The following BIN3 variants were observed in gnomAD, a reference collection of about 807,000 sequenced individuals.
BIN3 encodes bridging integrator 3.
A neutral mutation model predicts 38.2 loss-of-function variants in BIN3; 41 were observed. The observed-to-expected ratio is 1.07, with a 90% CI of 0.84 to 1.39. The LOEUF (loss-of-function observed/expected upper bound fraction) is 1.39. Among genes scored for constraint, BIN3 ranks in the 40% most tolerant of loss-of-function variants. The pLI is 0.00. For synonymous variants in BIN3, 145 were observed against 122.6 expected, an observed-to-expected ratio of 1.18 and a Z score of -1.21; for missense variants, 361 against 324.3, an observed-to-expected ratio of 1.11 and a Z score of -0.87.
intron 6 of BIN3, chr8:22,629,675 G>C: frequency 1.9e-6 from 1 of 532,358 alleles, no homozygotes; most frequent in Non-Finnish European, 3.4e-6. Flanking sequence ...CTCTCAATCA[G>C]GAGGAAGCGG....
chr8:22,627,054 C>A (rs546416374), intron 6 of BIN3, among the ~76,000 whole-genome samples: 3 of 152,176 alleles, frequency 2.0e-5, no homozygotes, highest in Admixed American at 2.0e-4. Context: ...CTCTGCAGGC[C>A]GCCTGCCCCA....
At chr8:22,631,521 A>C (rs1322063280) in intron 4 of BIN3, among the ~76,000 whole-genome samples, 3 of 152,188 alleles carry the variant, frequency 2.0e-5, no homozygotes, top group Non-Finnish European at 4.4e-5. Flanking sequence ...TTTAGCGAGG[A>C]GGCAGATTAG....
At chr8:22,633,545 G>A (rs549683544) in intron 4 of BIN3, among the ~76,000 whole-genome samples, 191 of 152,358 alleles carry the variant, frequency 1.3e-3, no homozygotes, top group Middle Eastern at 0.01. Context: ...AGAGCACTCT[G>A]AAAGTAGTAT....
At chr8:22,653,864 C>T (rs1802974000) in intron 1 of BIN3, among the ~76,000 whole-genome samples, 1 of 151,820 alleles carries the variant, frequency 6.6e-6, no homozygotes, top group Admixed American at 6.6e-5. Flanking sequence ...ACCTTTGTGT[C>T]CCCTGGTACA....
intron 2 of BIN3, among the ~76,000 whole-genome samples, chr8:22,639,344 G>T (rs1802465773): frequency 6.6e-6 from 1 of 151,592 alleles, no homozygotes; most frequent in South Asian, 2.1e-4. Context: ...CAATACTTCT[G>T]TCTCAGCCTC....
chr8:22,632,831 C>G (rs1413826049), intron 4 of BIN3, among the ~76,000 whole-genome samples: 1 of 151,938 alleles, frequency 6.6e-6, no homozygotes, highest in Non-Finnish European at 1.5e-5. Flanking sequence ...GCCTCAGCCT[C>G]TCAAGTAGCT....
chr8:22,642,321 C>T (rs1312967473), intron 2 of BIN3, among the ~76,000 whole-genome samples: 2 of 105,846 alleles, frequency 1.9e-5, no homozygotes, highest in Admixed American at 1.5e-4. Context: ...CAGCCCAGGC[C>T]TGTTTTGGGG....
At chr8:22,661,795 T>C (rs1024315156) in intron 1 of BIN3, among the ~76,000 whole-genome samples, 4 of 151,966 alleles carry the variant, frequency 2.6e-5, no homozygotes, top group Admixed American at 6.6e-5. Flanking sequence ...CTACTACATA[T>C]ATATACATTT....
chr8:22,652,649 T>C (rs924634451), intron 1 of BIN3, among the ~76,000 whole-genome samples: 4 of 152,244 alleles, frequency 2.6e-5, no homozygotes, highest in African/African-American at 7.2e-5. Flanking sequence ...TTGAAGTTTA[T>C]ACAATTTTGT....
intron 1 of BIN3, among the ~76,000 whole-genome samples, chr8:22,654,756 T>C (rs768841059): frequency 1.2e-4 from 19 of 152,082 alleles, no homozygotes; most frequent in Non-Finnish European, 1.6e-4. Flanking sequence ...TGGGTTGTTT[T>C]CCCTTTTTGG....
chr8:22,636,558 T>C lies in BIN3; in HGVS notation c.127A>G (p.Lys43Glu), dbSNP rs1802373231. Residue 43 changes from lysine to glutamate, a missense_variant, in exon 4 of 9, where the codon AAA becomes GAA. By Grantham distance (56) the Lys-to-Glu change is moderately conservative. Transcript: ENST00000276416. Reference protein sequence around the residue: ...QLEEQTRRLQKDMKKSTDADL... With the variant: ...QLEEQTRRLQEDMKKSTDADL... ...GCGTCGGTGCTCTTCTTCATGTCTT[T>C]CTGCAGCCTCCGGGTCTGCTCTTCC... The C allele has an allele frequency of 6.4e-7, 1 of 1,552,780 alleles. No individual in the cohort carries two copies. The highest frequency in any genetic ancestry group is 8.7e-7 in the Non-Finnish European group (1 of 1,147,698).
chr8:22,652,854 A>G (rs989515971), intron 1 of BIN3, among the ~76,000 whole-genome samples: 2 of 152,270 alleles, frequency 1.3e-5, no homozygotes, highest in South Asian at 2.1e-4. Flanking sequence ...TGGGCTGCTT[A>G]GTGTTTGGTT....
intron 4 of BIN3, among the ~76,000 whole-genome samples, chr8:22,634,215 A>G (rs1041183721): frequency 1.3e-5 from 2 of 152,236 alleles, no homozygotes; most frequent in East Asian, 3.8e-4. Flanking sequence ...CAGACCTGAA[A>G]TAACTACAAA....
At chr8:22,643,041 G>A (rs1802611692) in intron 2 of BIN3, among the ~76,000 whole-genome samples, 1 of 152,222 alleles carries the variant, frequency 6.6e-6, no homozygotes, top group African/African-American at 2.4e-5. Context: ...GGAGAACAAA[G>A]TTCATTTTGA....
At position 22,668,985 on chromosome 8, in the gene BIN3, G is replaced by C; in HGVS notation, c.8+59C>G. 3 of 1,553,550 alleles carry C rather than the reference G, an allele frequency of 1.9e-6. No homozygotes were observed. The Admixed American group carries it at 5.8e-5, about 30-fold the overall frequency. On this transcript the variant is annotated intron_variant, in intron 1 of 8. Coordinates refer to ENST00000276416, the MANE Select transcript of BIN3 (RefSeq NM_018688.6). ...GAGCCGGGACGCGGCACTGACACAG[G>C]GCCAGGGGCCTCGCGGGTCCGCGGG...
chr8:22,637,155 C>T (rs149559711), intron 2 of BIN3, among the ~76,000 whole-genome samples, 193 bp from the exon 3 acceptor site: 73 of 152,306 alleles, frequency 4.8e-4, no homozygotes, highest in Admixed American at 3.0e-3. Flanking sequence ...GTTTGAATTA[C>T]GGAGGAAGGC....
At chr8:22,629,824 G>T in intron 6 of BIN3, 140 bp downstream of exon 6, 1 of 831,688 alleles carries the variant, frequency 1.2e-6, no homozygotes. Context: ...AGGTCACAGA[G>T]CTGACGTCCC....
chr8:22,649,786 G>T (rs1365722792), intron 1 of BIN3, among the ~76,000 whole-genome samples: 1 of 140,262 alleles, frequency 7.1e-6, no homozygotes, highest in Non-Finnish European at 1.5e-5. Context: ...TTAAAAACCT[G>T]GAAGAGATAG....
intron 2 of BIN3, 37 bp from the exon 3 acceptor site, chr8:22,636,999 G>A (rs1454619869): frequency 6.2e-7 from 1 of 1,601,910 alleles, no homozygotes; most frequent in Non-Finnish European, 8.5e-7. Flanking sequence ...TCGGAGAAAT[G>A]ACAACACGGT....
Sources: gnomAD v4.1 joint callset for allele counts (sites outside exome capture counted in the v4.1 genomes callset) on GRCh38, gnomAD v4.1.1 for gene constraint, MANE v1.5 for transcripts, NCBI Gene and HGNC (gene_info 2026-07-23, HGNC 2026-07-21) for gene names.